Variants in LRP5 observed in about 807,000 individuals in gnomAD.
LRP5 encodes the protein LDL receptor related protein 5.
Under a neutral mutation model 154.1 loss-of-function variants are expected in LRP5, and 62 were observed. The observed-to-expected ratio is 0.40, with a 90% CI of 0.33 to 0.50. The LOEUF is 0.50. Among genes scored for constraint, LRP5 ranks in the 20% least tolerant of loss-of-function variants. LRP5 has a pLI of 0.55. For synonymous variants in LRP5, 966 were observed against 1,011.5 expected (o/e 0.96, Z 0.85); for missense variants, 1,915 against 2,336.7 (o/e 0.82, Z 3.72).
intron 1 of LRP5, among the ~76,000 whole-genome samples, chr11:68,334,720 C>T (rs1353932906): frequency 6.6e-6 from 1 of 152,004 alleles, no homozygotes; most frequent in African/African-American, 2.4e-5. Flanking sequence ...ACTAAAAATA[C>T]AGAAATTAGC....
At chr11:68,343,281 G>A (rs995295403) in intron 1 of LRP5, among the ~76,000 whole-genome samples, 24 of 152,308 alleles carry the variant, frequency 1.6e-4, no homozygotes, top group Admixed American at 9.8e-4. Context: ...CACTCTGTGC[G>A]TGTGTTAGCA....
At chr11:68,373,554 G>T in intron 5 of LRP5, among the ~76,000 whole-genome samples, 1 of 152,270 alleles carries the variant, frequency 6.6e-6, no homozygotes, top group South Asian at 2.1e-4. Context: ...CTGCCGCCCA[G>T]CGTGGCCGGG....
At chr11:68,445,700 T>C in intron 21 of LRP5, 2 of 1,306,480 alleles carry the variant, frequency 1.5e-6, no homozygotes, top group Non-Finnish European at 2.0e-6. Context: ...CAGACCTGTG[T>C]GGGTGTGTGG....
At chr11:68,338,708 G>A (rs181051689) in intron 1 of LRP5, among the ~76,000 whole-genome samples, 14 of 152,206 alleles carry the variant, frequency 9.2e-5, no homozygotes, top group South Asian at 2.1e-4. Context: ...AGTGTTCTAC[G>A]CCCGATTAAA....
Position 68,321,370 on chromosome 11 carries a change from C to T in LRP5, c.91+8565C>T, listed in dbSNP as rs192738593. 2.0e-3 allele frequency among the ~76,000 whole-genome samples: 312 copies of T among 152,270 alleles called. 2 individuals are homozygous for T. The highest frequency in any genetic ancestry group is 8.7e-3 in the South Asian group (42 of 4,830). On this transcript the variant is annotated intron_variant, in intron 1 of 22. Coordinates refer to ENST00000294304, the MANE Select transcript of LRP5 (RefSeq NM_002335.4). ...AAAAGACGTATTGGCTCTGCTTGCA[C>T]GTTTATGCTTTTGTGGTGAACTTCA...
chr11:68,409,490 T>C (rs1229914350), intron 9 of LRP5, among the ~76,000 whole-genome samples: 1 of 151,920 alleles, frequency 6.6e-6, no homozygotes, highest in Non-Finnish European at 1.5e-5. Context: ...GCTGGTGATC[T>C]GGTCCAGAAT....
intron 9 of LRP5, among the ~76,000 whole-genome samples, chr11:68,407,087 C>A (rs2098656151): frequency 6.6e-6 from 1 of 152,130 alleles, no homozygotes. Flanking sequence ...CCCACCCACT[C>A]CCTTGTCGGT....
intron 1 of LRP5, among the ~76,000 whole-genome samples, chr11:68,335,757 A>G (rs1225650191): frequency 6.6e-6 from 1 of 152,212 alleles, no homozygotes; most frequent in East Asian, 1.9e-4. Flanking sequence ...AATTGCCCAC[A>G]AAAAGCACAG....
rs574332913 is a variant in LRP5, at chr11:68,368,001, G to A, written c.1015+2299G>A. Among the ~76,000 whole-genome samples the A allele has an allele frequency of 1.0e-4, 15 of 150,588 alleles. No homozygotes were observed. The East Asian group carries it at 2.5e-3, about 26-fold the overall frequency. ...AATTGCTTGAGCCTAGGAGGCGGAGGTTGCACTGAGCCAAGATCATGCCGC... is the reference window on the plus strand; with the variant it reads ...AATTGCTTGAGCCTAGGAGGCGGAGATTGCACTGAGCCAAGATCATGCCGC... On this transcript the variant is annotated intron_variant, in intron 5 of 22. Transcript: ENST00000294304.
At chr11:68,327,449 G>A (rs974635539) in intron 1 of LRP5, among the ~76,000 whole-genome samples, 1 of 152,206 alleles carries the variant, frequency 6.6e-6, no homozygotes, top group African/African-American at 2.4e-5. Context: ...TCCTGTGCTT[G>A]ACCCTTTTGG....
rs766567565 is a variant in LRP5, at chr11:68,437,046, C to A, written c.4111+47C>A. 9.1e-6 allele frequency: 14 copies of A among 1,531,046 alleles called. 2 individuals carry two copies. In the South Asian group the frequency reaches 1.6e-4, roughly 17 times the overall value. The allele number at this position is 1,531,046 out of a possible 1,614,324, so 94.8% of individuals were successfully genotyped here. On this transcript the variant is annotated intron_variant, in intron 19 of 22. Transcript: ENST00000294304. ...GGAAGGGGCGTCCGGGCTGGGTTCCCCCAGGAACGTGGAGTTTAGGGGAGG... is the reference window on the plus strand; with the variant it reads ...GGAAGGGGCGTCCGGGCTGGGTTCCACCAGGAACGTGGAGTTTAGGGGAGG...
At chr11:68,401,678 T>A (rs1219180858) in intron 7 of LRP5, among the ~76,000 whole-genome samples, 1 of 151,894 alleles carries the variant, frequency 6.6e-6, no homozygotes, top group Non-Finnish European at 1.5e-5. Context: ...TCCAGTCCCC[T>A]TCCCGCTCTC....
chr11:68,403,327 G>T (rs151087414), intron 7 of LRP5, among the ~76,000 whole-genome samples, 156 bp from the exon 8 acceptor site: 1 of 152,276 alleles, frequency 6.6e-6, no homozygotes, highest in East Asian at 1.9e-4. Flanking sequence ...ATGCTACCTG[G>T]TGTTTTATGG....
chr11:68,309,271 C>T (rs1168590233), upstream of LRP5, among the ~76,000 whole-genome samples: 2 of 149,128 alleles, frequency 1.3e-5, no homozygotes, highest in African/African-American at 2.5e-5. Context: ...CTTGCTCTGT[C>T]GCCCAAGCTG....
Position 68,417,733 on chromosome 11 carries a change from G to A in LRP5, c.3027+1206G>A, listed in dbSNP as rs1007346851. Among the ~76,000 whole-genome samples the A allele has an allele frequency of 5.9e-5, 9 of 151,944 alleles. No individual in the cohort carries two copies. The South Asian group carries it at 8.3e-4, about 14-fold the overall frequency. Reference sequence around the variant, plus strand: ...GTGGATCACCTGAGGTCAGGGGTTCGAGACCAGCCTGGCCAACATGGTGAA... The same window carrying A: ...GTGGATCACCTGAGGTCAGGGGTTCAAGACCAGCCTGGCCAACATGGTGAA... On this transcript the variant is annotated intron_variant, in intron 13 of 22. Coordinates refer to ENST00000294304, the MANE Select transcript of LRP5 (RefSeq NM_002335.4).
chr11:68,351,531 T>C (rs1224636859), intron 2 of LRP5, among the ~76,000 whole-genome samples: 4 of 152,188 alleles, frequency 2.6e-5, no homozygotes, highest in Non-Finnish European at 4.4e-5. Flanking sequence ...GGCCTGCGGT[T>C]GCTCACCAGC....
At chr11:68,365,753 G>T in intron 5 of LRP5, 51 bp downstream of exon 5, 1 of 1,451,490 alleles carries the variant, frequency 6.9e-7, no homozygotes, top group South Asian at 1.4e-5. Flanking sequence ...GGCCTGGCGG[G>T]AATGGGTTGC....
Position 68,413,907 on chromosome 11 carries a change from CACA to C in LRP5, c.2728_2730del (p.Asn910del), listed in dbSNP as rs1256903328. 3.7e-6 allele frequency: 6 copies of C among 1,612,684 alleles called. No homozygotes were observed. The highest frequency in any genetic ancestry group is 1.1e-5 in the South Asian group (1 of 91,078). On this transcript the variant is annotated inframe_deletion, in exon 12 of 23. Transcript: ENST00000294304. This position sits in a 1 kb window ranked among gnomAD's most constrained non-coding sequence, Gnocchi z 5.1. ...CCAGGATGGCCTCAATGACTGTATG[CACA>C]ACAACGGGCAGTGTGGGCAGCTGTG...
chr11:68,403,526 A>G lies in LRP5; in HGVS notation c.1628A>G (p.Asp543Gly). The G allele has an allele frequency of 6.2e-7, 1 of 1,614,134 alleles. No homozygotes were observed. The highest frequency in any genetic ancestry group is 8.5e-7 in the Non-Finnish European group (1 of 1,180,044). ...ACGAAGAGGCGGACCCTCCTGGAGG[A>G]CAAGCTCCCGCACATTTTTGGGTTC... ...DGTKRRTLLE[D>G]KLPHIFGFTL... The change falls in exon 8 of 23, where the codon GAC (aspartate) becomes GGC (glycine). Residue 543 changes from aspartate (D) to glycine (G), a missense_variant. Asp to Gly is a moderately conservative substitution (Grantham distance 94). Coordinates refer to ENST00000294304, the MANE Select transcript of LRP5 (RefSeq NM_002335.4).
Sources: allele counts gnomAD v4.1 joint callset (sites outside exome capture counted in the v4.1 genomes callset), GRCh38; gene constraint gnomAD v4.1.1; non-coding constraint Gnocchi (gnomAD v3.1); transcripts MANE v1.5; gene names NCBI Gene and HGNC (gene_info 2026-07-23, HGNC 2026-07-21).